SRPK1: variants seen among roughly 807,000 people sequenced by gnomAD.
SRPK1 encodes the protein SFRS protein kinase 1.
A neutral mutation model predicts 89.5 loss-of-function variants in SRPK1; 52 were observed. That is an observed-to-expected ratio of 0.58 (90% CI 0.46 to 0.73). The LOEUF is 0.73. Ranked by LOEUF, SRPK1 falls within the 30% of genes least tolerant of loss-of-function variation. The pLI is 0.00. For synonymous variants in SRPK1, 255 were observed against 270.2 expected, an observed-to-expected ratio of 0.94 and a Z score of 0.55; for missense variants, 603 against 780.6, an observed-to-expected ratio of 0.77 and a Z score of 2.71.
chr6:35,852,027 C>G (rs9462135), intron 13 of SRPK1, among the ~76,000 whole-genome samples: 48,366 of 152,002 alleles, frequency 0.32, 7,913 homozygotes, highest in South Asian at 0.45. Flanking sequence ...CTTGCCCCAG[C>G]GATCTAGGGC....
At chr6:35,840,214 T>G (rs548115915) in intron 14 of SRPK1, among the ~76,000 whole-genome samples, 57 of 152,326 alleles carry the variant, frequency 3.7e-4, no homozygotes, top group Middle Eastern at 3.4e-3. Flanking sequence ...GGAAATAACA[T>G]GCTAGAGACG....
At chr6:35,845,778 T>C (rs887909865) in intron 13 of SRPK1, among the ~76,000 whole-genome samples, 2 of 152,220 alleles carry the variant, frequency 1.3e-5, no homozygotes, top group African/African-American at 4.8e-5. Flanking sequence ...GGCTGGCCAA[T>C]GGCTGTCTCA....
At chr6:35,883,477 C>T (rs1404786727) in intron 6 of SRPK1, among the ~76,000 whole-genome samples, 1 of 152,014 alleles carries the variant, frequency 6.6e-6, no homozygotes, top group East Asian at 1.9e-4. Flanking sequence ...AAAGACTAAA[C>T]ATAAAATAGG....
intron 13 of SRPK1, among the ~76,000 whole-genome samples, chr6:35,843,489 C>T (rs146357061): frequency 2.4e-3 from 359 of 151,652 alleles, no homozygotes; most frequent in Middle Eastern, 6.8e-3. Flanking sequence ...CTTGCTCTGC[C>T]GGCCAGACTG....
At chr6:35,898,873 TAC>T (rs1039587711) in intron 2 of SRPK1, among the ~76,000 whole-genome samples, 4 of 152,140 alleles carry the variant, frequency 2.6e-5, no homozygotes, top group Non-Finnish European at 4.4e-5. Flanking sequence ...CAACAAATCC[TAC>T]ACAGACACCG....
At chr6:35,920,850 G>A (rs923409993) in intron 1 of SRPK1, 194 bp downstream of exon 1, 4 of 541,210 alleles carry the variant, frequency 7.4e-6, no homozygotes, top group African/African-American at 2.0e-5. Context: ...TACGGCCGGC[G>A]CCAGAGGACG....
intron 6 of SRPK1, among the ~76,000 whole-genome samples, chr6:35,875,189 A>G (rs6926156): frequency 0.32 from 47,935 of 152,044 alleles, 7,797 homozygotes; most frequent in South Asian, 0.42. Flanking sequence ...TAACAAATAA[A>G]AGAACCTGTC....
intron 13 of SRPK1, among the ~76,000 whole-genome samples, chr6:35,844,311 T>C (rs1402596700): frequency 6.6e-6 from 1 of 152,084 alleles, no homozygotes; most frequent in African/African-American, 2.4e-5. Flanking sequence ...CCAACAGCAG[T>C]TTTAAAAAAT....
At position 35,880,746 on chromosome 6, in the gene SRPK1, A is replaced by AAAAAAAAAAGAAAGAAAG. The variant is rs1770263877; in HGVS notation, c.478+5977_478+5978insCTTTCTTTCTTTTTTTTT. 3.1e-4 allele frequency among the ~76,000 whole-genome samples: 28 copies of AAAAAAAAAAGAAAGAAAG among 89,222 alleles called. 1 individual carries two copies. Among genetic ancestry groups the AAAAAAAAAAGAAAGAAAG allele is most frequent in the South Asian group, 9.4e-4 (2 of 2,134 alleles). 58.5% of individuals were successfully genotyped at this position (89,222 alleles called of 152,430 possible). ...AAAAAAAAAAAAAAGAAAAAAAAAA[A>AAAAAAAAAAGAAAGAAAG]AAAAGAAAAGAAAAGAAGAAGAAAT... On this transcript the variant is annotated intron_variant, in intron 6 of 15. Transcript: ENST00000373825.
chr6:35,919,066 G>C (rs1562001919), intron 2 of SRPK1, among the ~76,000 whole-genome samples: 1 of 152,166 alleles, frequency 6.6e-6, no homozygotes, highest in Non-Finnish European at 1.5e-5. Flanking sequence ...GCACAGAAAA[G>C]TAACATTTCA....
At chr6:35,884,951 G>A (rs1257411499) in intron 6 of SRPK1, among the ~76,000 whole-genome samples, 1 of 152,060 alleles carries the variant, frequency 6.6e-6, no homozygotes, top group African/African-American at 2.4e-5. Context: ...AGTGAGCCGA[G>A]ATTATGCCAT....
rs1253675063 is a variant in SRPK1, at chr6:35,870,950, G to A, written c.761C>T (p.Ala254Val). The A allele has an allele frequency of 1.9e-6, 3 of 1,608,700 alleles. No homozygotes were observed. The highest frequency in any genetic ancestry group is 1.7e-5 in the Admixed American group (1 of 59,514). ...TATACTTACTGGTTTAGGCTGGGGA[G>A]CAGTACTGACTGAAAAGAAAAGAAA... The part of the protein sequence containing the change: ...PPPSGSAVST[A>V]PQPKPADKMS... The change falls in exon 9 of 16, where the codon GCT (alanine) becomes GTT (valine). Residue 254 changes from alanine to valine, a missense_variant. Physicochemically the swap from Ala to Val is moderately conservative, Grantham distance 64. Coordinates refer to ENST00000373825, the MANE Select transcript of SRPK1 (RefSeq NM_003137.5).
chr6:35,876,273 G>GT (rs1336977429), intron 6 of SRPK1, among the ~76,000 whole-genome samples: 4 of 152,120 alleles, frequency 2.6e-5, no homozygotes, highest in African/African-American at 9.7e-5. Context: ...TAGAACTCTT[G>GT]TATTATGCTA....
chr6:35,849,006 TA>T (rs1769480932), intron 13 of SRPK1, among the ~76,000 whole-genome samples: 3 of 151,978 alleles, frequency 2.0e-5, no homozygotes, highest in South Asian at 4.1e-4. Flanking sequence ...AACATCAAAC[TA>T]AAAAACTTCT....
rs1489314603 is a variant in SRPK1, at chr6:35,869,017, CA to C, written c.1504del (p.Cys502ValfsTer22). On this transcript the variant is annotated frameshift_variant, in exon 12 of 16. Coordinates refer to ENST00000373825, the MANE Select transcript of SRPK1 (RefSeq NM_003137.5). LOFTEE classifies it high-confidence loss of function. ...KVKIADLGNA[C>X]WVHKHFTEDI... ...AAGGCAAGTTTAACTTACCACCCAA[CA>C]AGCATTTCCAAGGTCAGCAATCTTC... is the stretch of plus-strand genomic sequence containing the variant. The C allele has an allele frequency of 6.2e-7, 1 of 1,613,578 alleles. No individual in the cohort carries two copies. Among genetic ancestry groups the C allele is most frequent in the Non-Finnish European group, 8.5e-7 (1 of 1,179,752 alleles).
intron 1 of SRPK1, 69 bp downstream of exon 1, chr6:35,920,975 C>T (rs1176083654): frequency 6.0e-6 from 9 of 1,504,456 alleles, no homozygotes; most frequent in Non-Finnish European, 8.0e-6. Flanking sequence ...AAGCGAAGCT[C>T]CCGGCGCTGA....
chr6:35,838,926 C>T (rs1769241758), intron 14 of SRPK1: 2 of 1,009,892 alleles, frequency 2.0e-6, no homozygotes, highest in African/African-American at 1.7e-5. Flanking sequence ...TGAAGGAAGA[C>T]TGACTGGGAA....
Position 35,838,330 on chromosome 6 carries a change from A to C in SRPK1, c.1783+7T>G, listed in dbSNP as rs780652814. On this transcript the variant is annotated splice_region_variant and intron_variant, in intron 15 of 15. Transcript: ENST00000373825. ...CTCCTTAATGTCTGGGAACACATTT[A>C]CTTTACCTTTTTTGGTGAAAAATTC... 6.4e-7 allele frequency: 1 copy of C among 1,555,426 alleles called. No homozygotes were observed. Among genetic ancestry groups the C allele is most frequent in the Non-Finnish European group, 8.6e-7 (1 of 1,158,228 alleles).
At chr6:35,835,540 A>C in intron 15 of SRPK1, 52 bp from the exon 16 acceptor site, 1 of 1,518,532 alleles carries the variant, frequency 6.6e-7, no homozygotes. Context: ...GACAAATGAC[A>C]AGGTACTCTT....
Sources: allele counts gnomAD v4.1 joint callset (sites outside exome capture counted in the v4.1 genomes callset), GRCh38; gene constraint gnomAD v4.1.1; transcripts MANE v1.5; gene names NCBI Gene and HGNC (gene_info 2026-07-23, HGNC 2026-07-21).